The following SUCLG2 variants were observed in gnomAD, a reference collection of about 807,000 sequenced individuals.
The protein encoded by SUCLG2 is succinate--CoA ligase [GDP-forming] subunit beta, mitochondrial.
SUCLG2 carries 42 observed loss-of-function variants against 47.9 expected under a neutral mutation model. That is an observed-to-expected ratio of 0.88 (90% CI 0.69 to 1.14). The LOEUF (loss-of-function observed/expected upper bound fraction) is 1.14. Ranked by LOEUF, SUCLG2 falls within the 50% of genes most tolerant of loss-of-function variation. SUCLG2 has a pLI of 0.00. For synonymous variants in SUCLG2, 195 were observed against 197.3 expected (o/e 0.99, Z 0.10); for missense variants, 571 against 525.9 (o/e 1.09, Z -0.84).
At chr3:67,478,617 G>A (rs558429179) in intron 9 of SUCLG2, among the ~76,000 whole-genome samples, 2 of 152,146 alleles carry the variant, frequency 1.3e-5, no homozygotes, top group South Asian at 2.1e-4. Context: ...AGTATCATAC[G>A]TCAAAGTTGC....
At chr3:67,456,502 A>C (rs560176091) in intron 9 of SUCLG2, among the ~76,000 whole-genome samples, 43 of 152,328 alleles carry the variant, frequency 2.8e-4, no homozygotes, top group African/African-American at 9.9e-4. Flanking sequence ...GATGTAGCTG[A>C]TAATAGGAAC....
At chr3:67,462,444 A>G (rs190968465) in intron 9 of SUCLG2, among the ~76,000 whole-genome samples, 35 of 152,244 alleles carry the variant, frequency 2.3e-4, no homozygotes, top group Admixed American at 1.1e-3. Flanking sequence ...TCACATTTCA[A>G]AATGGCTGTC....
chr3:67,494,021 C>T (rs968120228), intron 9 of SUCLG2, among the ~76,000 whole-genome samples: 1 of 152,148 alleles, frequency 6.6e-6, no homozygotes, highest in African/African-American at 2.4e-5. Flanking sequence ...TAATACCTTG[C>T]CGTCTGTTTT....
intron 1 of SUCLG2, among the ~76,000 whole-genome samples, chr3:67,617,108 T>G (rs1338780675): frequency 6.6e-6 from 1 of 152,178 alleles, no homozygotes; most frequent in Admixed American, 6.5e-5. Flanking sequence ...AATAAATGTG[T>G]TGGTGCAAAT....
chr3:67,425,414 G>C (rs1171099356), intron 9 of SUCLG2, among the ~76,000 whole-genome samples: 1 of 152,262 alleles, frequency 6.6e-6, no homozygotes, highest in South Asian at 2.1e-4. Flanking sequence ...GGGTGTCTGA[G>C]AGTGTTTCCA....
chr3:67,512,596 G>C (rs970874062), intron 6 of SUCLG2, among the ~76,000 whole-genome samples: 4 of 150,824 alleles, frequency 2.7e-5, no homozygotes, highest in Non-Finnish European at 5.9e-5. Context: ...ATCTAATCCA[G>C]CTACTTCAAA....
rs569106050 is a variant in SUCLG2 at position 67,609,490 on chromosome 3, G to C, written c.191C>G (p.Thr64Ser). 1.9e-6 allele frequency: 3 copies of C among 1,613,362 alleles called. No homozygotes were observed. Among genetic ancestry groups the C allele is most frequent in the East Asian group, 2.2e-5 (1 of 44,872 alleles). ...VRVQRFFVAD[T>S]ANEALEAAKR... is the part of the protein sequence containing the mutation. ...AGCAGCCTCGAGAGCTTCATTTGCA[G>C]TGTCTGCTACAAAGAATCTTTGAAC... The change falls in exon 2 of 11, where the codon ACT becomes AGT. Residue 64 changes from threonine to serine, a missense_variant. Coordinates refer to ENST00000307227, the MANE Select transcript of SUCLG2 (RefSeq NM_003848.4).
chr3:67,559,273 C>G (rs1400883914), intron 2 of SUCLG2, among the ~76,000 whole-genome samples: 1 of 152,134 alleles, frequency 6.6e-6, no homozygotes, highest in Non-Finnish European at 1.5e-5. Context: ...CTGTATTAGT[C>G]TGTTTTCACA....
intron 2 of SUCLG2, among the ~76,000 whole-genome samples, chr3:67,601,659 T>C (rs963193707): frequency 6.6e-6 from 1 of 152,118 alleles, no homozygotes; most frequent in Admixed American, 6.6e-5. Flanking sequence ...TCTTTGCCCA[T>C]TCTCAATGAG....
At chr3:67,517,023 T>C (rs572927827) in intron 6 of SUCLG2, among the ~76,000 whole-genome samples, 2 of 152,288 alleles carry the variant, frequency 1.3e-5, no homozygotes, top group South Asian at 4.1e-4. Context: ...ACAGATCACT[T>C]TCCTGGCATC....
At chr3:67,486,653 TC>T in intron 9 of SUCLG2, among the ~76,000 whole-genome samples, 1 of 152,336 alleles carries the variant, frequency 6.6e-6, no homozygotes, top group Non-Finnish European at 1.5e-5. Context: ...CTGTATGCTC[TC>T]TGTAGGGTAC....
chr3:67,625,673 G>A (rs944488438), intron 1 of SUCLG2, among the ~76,000 whole-genome samples: 1 of 152,164 alleles, frequency 6.6e-6, no homozygotes, highest in African/African-American at 2.4e-5. Context: ...CAGGGCAGAA[G>A]AAACACCCCA....
intron 2 of SUCLG2, among the ~76,000 whole-genome samples, chr3:67,608,536 C>A (rs906283443): frequency 2.6e-5 from 4 of 152,030 alleles, no homozygotes; most frequent in Non-Finnish European, 5.9e-5. Flanking sequence ...CATTATTGAA[C>A]GATGCTCCAC....
At chr3:67,421,978 GCA>G (rs1004737280) in intron 9 of SUCLG2, among the ~76,000 whole-genome samples, 26 of 152,244 alleles carry the variant, frequency 1.7e-4, no homozygotes, top group African/African-American at 6.0e-4. Context: ...AAGAAGATTT[GCA>G]CAGTCATCAG....
intron 2 of SUCLG2, among the ~76,000 whole-genome samples, chr3:67,592,743 A>AAAAAAAAAAAAAAAAAAAAAAAAAAC (rs1559587055): frequency 1.3e-5 from 2 of 148,482 alleles, no homozygotes; most frequent in African/African-American, 5.1e-5. Context: ...AAAACAACAA[A>AAAAAAAAAAAAAAAAAAAAAAAAAAC]AAAAAACTGA....
At chr3:67,449,009 C>T (rs1439619450) in intron 9 of SUCLG2, among the ~76,000 whole-genome samples, 1 of 151,988 alleles carries the variant, frequency 6.6e-6, no homozygotes, top group East Asian at 1.9e-4. Flanking sequence ...ATATTTCTTG[C>T]TTTTTTGCTT....
Position 67,449,629 on chromosome 3 carries a change from T to G in SUCLG2, c.1062+46169A>C, listed in dbSNP as rs13061360. The stretch of plus-strand genomic sequence containing the variant: ...AATATTTTATTTTTATTTTATTTTA[T>G]TTTTGAGTCATAGTCTCACTCTGTT... On this transcript the variant is annotated intron_variant, in intron 9 of 10. Coordinates refer to ENST00000307227, the MANE Select transcript of SUCLG2 (RefSeq NM_003848.4). 8.3e-3 allele frequency among the ~76,000 whole-genome samples: 1,265 copies of G among 152,148 alleles called. 20 individuals carry two copies. The highest frequency in any genetic ancestry group is 0.029 in the African/African-American group (1,202 of 41,446).
intron 2 of SUCLG2, among the ~76,000 whole-genome samples, chr3:67,534,833 AATT>A (rs1451424826): frequency 6.6e-6 from 1 of 150,470 alleles, no homozygotes; most frequent in Non-Finnish European, 1.5e-5. Flanking sequence ...ACCTGTAACT[AATT>A]AAAGAATTTC....
At chr3:67,373,542 G>C (rs963910476), downstream of SUCLG2, among the ~76,000 whole-genome samples, 1 of 152,056 alleles carries the variant, frequency 6.6e-6, no homozygotes, top group African/African-American at 2.4e-5. Context: ...ACTTGTCTGA[G>C]TTTTTTATGG....
Sources: gnomAD v4.1 joint callset for allele counts (sites outside exome capture counted in the v4.1 genomes callset) on GRCh38, gnomAD v4.1.1 for gene constraint, MANE v1.5 for transcripts, NCBI Gene and HGNC (gene_info 2026-07-23, HGNC 2026-07-21) for gene names.